Variants in ADIPOR2 observed in about 807,000 individuals in gnomAD.
ADIPOR2 encodes the protein adiponectin receptor protein 2.
A neutral mutation model predicts 40.9 loss-of-function variants in ADIPOR2; 18 were observed. The observed-to-expected ratio is 0.44, with a 90% CI of 0.30 to 0.65. The LOEUF (loss-of-function observed/expected upper bound fraction) is 0.65, where lower values mean the gene tolerates loss of function less well. ADIPOR2 is among the 30% of genes least tolerant of loss of function. The pLI is 0.09. For missense variants in ADIPOR2, 283 were observed against 479.2 expected, an observed-to-expected ratio of 0.59 and a Z score of 3.82; for synonymous variants, 165 against 166.4, an observed-to-expected ratio of 0.99 and a Z score of 0.06.
At chr12:1,762,161 T>C (rs78667525) in intron 2 of ADIPOR2, among the ~76,000 whole-genome samples, 1 of 152,358 alleles carries the variant, frequency 6.6e-6, no homozygotes, top group African/African-American at 2.4e-5. Flanking sequence ...TCTGGCTAAC[T>C]GCTGCTCATC....
chr12:1,774,631 A>G (rs1463956094), intron 3 of ADIPOR2, among the ~76,000 whole-genome samples: 1 of 152,120 alleles, frequency 6.6e-6, no homozygotes, highest in African/African-American at 2.4e-5. Flanking sequence ...TTTTTCCCCT[A>G]GACTTCAGTG....
chr12:1,748,748 T>G (rs867775797), intron 1 of ADIPOR2, among the ~76,000 whole-genome samples: 1 of 152,126 alleles, frequency 6.6e-6, no homozygotes, highest in South Asian at 2.1e-4. Context: ...AAAACTCTCC[T>G]CAAACTGTGT....
At chr12:1,754,766 C>T (rs1862085752) in intron 2 of ADIPOR2, among the ~76,000 whole-genome samples, 1 of 151,504 alleles carries the variant, frequency 6.6e-6, no homozygotes, top group Non-Finnish European at 1.5e-5. Context: ...CGGAGTCTCG[C>T]TCTGTCACCC....
At chr12:1,739,067 G>T (rs912076519) in intron 1 of ADIPOR2, among the ~76,000 whole-genome samples, 2 of 152,130 alleles carry the variant, frequency 1.3e-5, no homozygotes, top group African/African-American at 4.8e-5. Context: ...TTTTATTTTA[G>T]AGGGGCAGTA....
At chr12:1,710,933 T>C (rs1044396762) in intron 1 of ADIPOR2, among the ~76,000 whole-genome samples, 2 of 152,098 alleles carry the variant, frequency 1.3e-5, no homozygotes, top group African/African-American at 2.4e-5. Flanking sequence ...AGGCGAGTAA[T>C]AGCAAGATGG....
In ADIPOR2 at chr12:1,756,929, G is replaced by A. The variant is rs534314846; in HGVS notation, c.171+2415G>A. 2.6e-5 allele frequency among the ~76,000 whole-genome samples: 4 copies of A among 152,312 alleles called. No individual in the cohort carries two copies. The East Asian group carries it at 5.8e-4, about 22-fold the overall frequency. ...TGAAATGGTAAAGCAAGAGGGAAGAGCGGGTTTAAGGTAGGGAAATCAAGA... is the reference window on the plus strand; with the variant it reads ...TGAAATGGTAAAGCAAGAGGGAAGAACGGGTTTAAGGTAGGGAAATCAAGA... On this transcript the variant is annotated intron_variant, in intron 2 of 7. Transcript: ENST00000357103.
At chr12:1,747,000 A>C (rs1409196466) in intron 1 of ADIPOR2, among the ~76,000 whole-genome samples, 2 of 151,702 alleles carry the variant, frequency 1.3e-5, no homozygotes, top group Non-Finnish European at 2.9e-5. Flanking sequence ...ATGTCCTTGC[A>C]CTCTAGTCTG....
chr12:1,761,359 T>C (rs7967137), intron 2 of ADIPOR2, among the ~76,000 whole-genome samples: 23,433 of 152,182 alleles, frequency 0.15, 2,251 homozygotes, highest in African/African-American at 0.27. Context: ...TGTGTTTTCA[T>C]TTCTGTTGGG....
intron 2 of ADIPOR2, among the ~76,000 whole-genome samples, chr12:1,772,502 G>A (rs537747326): frequency 6.6e-6 from 1 of 152,152 alleles, no homozygotes; most frequent in South Asian, 2.1e-4. Context: ...GCGAGTCTTG[G>A]AGGTTTTCCC....
At chr12:1,746,307 G>A (rs998307923) in intron 1 of ADIPOR2, among the ~76,000 whole-genome samples, 1 of 151,930 alleles carries the variant, frequency 6.6e-6, no homozygotes, top group African/African-American at 2.4e-5. Context: ...ATCACTTGAG[G>A]TAAAACTTCA....
intron 1 of ADIPOR2, among the ~76,000 whole-genome samples, chr12:1,723,129 A>G (rs1469374148): frequency 1.3e-5 from 2 of 152,210 alleles, no homozygotes; most frequent in Non-Finnish European, 2.9e-5. Context: ...ATTTTGGATC[A>G]TAGCCTATCT....
chr12:1,753,702 A>G (rs1161926753), intron 1 of ADIPOR2, among the ~76,000 whole-genome samples: 2 of 152,224 alleles, frequency 1.3e-5, no homozygotes, highest in Non-Finnish European at 2.9e-5. Flanking sequence ...TTTACCTGTG[A>G]ACTAGAAATA....
chr12:1,748,851 G>A (rs2094762760), intron 1 of ADIPOR2, among the ~76,000 whole-genome samples: 1 of 151,892 alleles, frequency 6.6e-6, no homozygotes. Context: ...ACACCAAGCA[G>A]CAGACAGCAG....
At chr12:1,723,770 G>A (rs184336911) in intron 1 of ADIPOR2, among the ~76,000 whole-genome samples, 191 of 152,224 alleles carry the variant, frequency 1.3e-3, no homozygotes, top group African/African-American at 4.2e-3. Flanking sequence ...AGTAACGTGA[G>A]TCCTCAAAGA....
intron 1 of ADIPOR2, among the ~76,000 whole-genome samples, chr12:1,714,505 G>T (rs144377749): frequency 6.6e-6 from 1 of 152,054 alleles, no homozygotes; most frequent in Admixed American, 6.5e-5. Flanking sequence ...TCCTGTAGCC[G>T]CTCGAGGAAG....
chr12:1,692,369 A>T (rs1265775841), intron 1 of ADIPOR2, among the ~76,000 whole-genome samples: 12 of 152,348 alleles, frequency 7.9e-5, no homozygotes, highest in Non-Finnish European at 1.8e-4. Flanking sequence ...CCGTTCTGAT[A>T]AATTTGTTGT....
intron 1 of ADIPOR2, among the ~76,000 whole-genome samples, chr12:1,748,078 T>C (rs974404422): frequency 6.6e-6 from 1 of 152,078 alleles, no homozygotes; most frequent in African/African-American, 2.4e-5. Context: ...CCCACATAGC[T>C]CTAAGATTTT....
At position 1,786,054 on chromosome 12, in the gene ADIPOR2, T is replaced by G; in HGVS notation, c.1143T>G (p.Ser381Arg). ...GTTTCATGATCGGCGGGGGCTGCAG[T>G]GAAGAGGATGCACTGTGATACCTAC... ...EFRFMIGGGC[S>R]EEDAL Residue 381 changes from serine to arginine, a missense_variant, in exon 8 of 8, where the codon AGT becomes AGG. Physicochemically the swap from Ser to Arg is moderately radical, Grantham distance 110 (BLOSUM62 -1). Coordinates refer to ENST00000357103, the MANE Select transcript of ADIPOR2 (RefSeq NM_024551.3). 1 of 1,613,910 alleles carries G rather than the reference T, an allele frequency of 6.2e-7. No homozygotes were observed. The highest frequency in any genetic ancestry group is 8.5e-7 in the Non-Finnish European group (1 of 1,179,996).
At chr12:1,696,882 ATT>A (rs1565628379) in intron 1 of ADIPOR2, 1 of 153,654 alleles carries the variant, frequency 6.5e-6, no homozygotes, top group African/African-American at 2.4e-5. Context: ...ACATTGAGCT[ATT>A]ACCTCTTATA....
Sources: gnomAD v4.1 joint callset for allele counts (sites outside exome capture counted in the v4.1 genomes callset) on GRCh38, gnomAD v4.1.1 for gene constraint, MANE v1.5 for transcripts, NCBI Gene and HGNC (gene_info 2026-07-23, HGNC 2026-07-21) for gene names.